CARMIL1: variants seen among roughly 807,000 people sequenced by gnomAD.
The protein encoded by CARMIL1 is capping protein regulator and myosin 1 linker 1.
CARMIL1 carries 90 observed loss-of-function variants against 177.1 expected under a neutral mutation model. The ratio of observed to expected loss-of-function variants is 0.51; its 90% CI spans 0.43 to 0.61. CARMIL1 has a LOEUF of 0.61. Among genes scored for constraint, CARMIL1 ranks in the 20% least tolerant of loss-of-function variants. The probability of loss-of-function intolerance (pLI) is 0.00; values close to 1 mark genes in which losing one functional copy is unlikely to be tolerated. For missense variants in CARMIL1, 1,380 were observed against 1,667.0 expected (o/e 0.83, Z 3.00); for synonymous variants, 577 against 606.2 (o/e 0.95, Z 0.71).
chr6:25,440,923 G>C (rs545735111), intron 5 of CARMIL1, among the ~76,000 whole-genome samples: 3 of 152,042 alleles, frequency 2.0e-5, no homozygotes, highest in African/African-American at 7.2e-5. Context: ...TCATGAGGAG[G>C]TATTAGGAAC....
chr6:25,390,293 C>CATATATATATATATATATATAT (rs397887367), intron 2 of CARMIL1, among the ~76,000 whole-genome samples: 6 of 84,896 alleles, frequency 7.1e-5, no homozygotes, highest in Admixed American at 1.6e-4. Flanking sequence ...TATATATTTA[C>CATATATATATATATATATATAT]ATATATATAT....
intron 8 of CARMIL1, among the ~76,000 whole-genome samples, chr6:25,459,274 T>TTCTCTCTTTCTCTC: frequency 3.2e-5 from 1 of 30,992 alleles, no homozygotes; most frequent in East Asian, 1.5e-3. Context: ...TTCTTTTTTT[T>TTCTCTCTTTCTCTC]TTTTTTAAGA....
chr6:25,318,068 G>A (rs1180791584), intron 2 of CARMIL1, among the ~76,000 whole-genome samples: 1 of 152,136 alleles, frequency 6.6e-6, no homozygotes, highest in Non-Finnish European at 1.5e-5. Context: ...CCATATGCAG[G>A]ACTATTGGGC....
intron 16 of CARMIL1, among the ~76,000 whole-genome samples, chr6:25,496,612 A>T (rs1019823050): frequency 1.3e-5 from 2 of 152,190 alleles, no homozygotes; most frequent in African/African-American, 4.8e-5. Flanking sequence ...TAAACACCTC[A>T]TGATTTGGCC....
intron 2 of CARMIL1, among the ~76,000 whole-genome samples, chr6:25,390,322 T>G (rs34230226): frequency 6.9e-5 from 5 of 72,632 alleles, no homozygotes; most frequent in African/African-American, 2.6e-4. Flanking sequence ...ATATATATAT[T>G]TTTTTTTTTT....
chr6:25,592,358 C>G (rs1023523138), intron 31 of CARMIL1, among the ~76,000 whole-genome samples: 1 of 152,196 alleles, frequency 6.6e-6, no homozygotes, highest in African/African-American at 2.4e-5. Flanking sequence ...ATCCTCAATA[C>G]TTTTCCAAAA....
At chr6:25,569,879 A>G (rs1356074368) in intron 29 of CARMIL1, among the ~76,000 whole-genome samples, 1 of 151,954 alleles carries the variant, frequency 6.6e-6, no homozygotes, top group Non-Finnish European at 1.5e-5. Flanking sequence ...CCCTTTGTTT[A>G]TGTTTTCACA....
intron 2 of CARMIL1, among the ~76,000 whole-genome samples, chr6:25,291,857 C>T (rs899822165): frequency 1.3e-5 from 2 of 152,154 alleles, no homozygotes; most frequent in Non-Finnish European, 2.9e-5. Flanking sequence ...AAGCAGTACA[C>T]ATATCACAGT....
chr6:25,362,041 T>G (rs1412864001), intron 2 of CARMIL1, among the ~76,000 whole-genome samples: 2 of 151,936 alleles, frequency 1.3e-5, no homozygotes, highest in African/African-American at 4.8e-5. Context: ...AATTACACAG[T>G]CTGTGATACT....
At chr6:25,368,962 C>T (rs760318644) in intron 2 of CARMIL1, among the ~76,000 whole-genome samples, 1 of 152,086 alleles carries the variant, frequency 6.6e-6, no homozygotes, top group Non-Finnish European at 1.5e-5. Flanking sequence ...TAGGAGGGTT[C>T]GTTTTTGCCA....
chr6:25,306,561 G>T (rs1783288089), intron 2 of CARMIL1, among the ~76,000 whole-genome samples: 1 of 152,052 alleles, frequency 6.6e-6, no homozygotes, highest in Non-Finnish European at 1.5e-5. Context: ...ACAAGGTTGG[G>T]GACTGCTGAC....
intron 36 of CARMIL1, 99 bp downstream of exon 36, chr6:25,610,280 A>G: frequency 7.6e-7 from 1 of 1,322,162 alleles, no homozygotes; most frequent in Non-Finnish European, 9.9e-7. Flanking sequence ...AATATCTTAG[A>G]GTTTGTTAAA....
Position 25,279,611 on chromosome 6 carries a change from CTTT to C in CARMIL1, c.-173_-171del, listed in dbSNP as rs56103864. Reference sequence around the variant, plus strand: ...GCAAATCCGCCTCGCATTTGCAACTCTTTTTTTTTTTTTTGGTGGGGCGGGGGG... The same window carrying C: ...GCAAATCCGCCTCGCATTTGCAACTCTTTTTTTTTTTGGTGGGGCGGGGGG... On this transcript the variant is annotated 5_prime_UTR_variant, in exon 1 of 37. Transcript: ENST00000329474. The C allele has an allele frequency of 4.6e-3, 2,433 of 525,784 alleles. No homozygotes were observed. Among genetic ancestry groups the C allele is most frequent in the Middle Eastern group, 9.2e-3 (19 of 2,074 alleles). The allele number at this position is 525,784 out of a possible 1,614,324, so 32.6% of individuals were successfully genotyped here.
At chr6:25,503,045 G>C (rs1488615764) in intron 17 of CARMIL1, among the ~76,000 whole-genome samples, 1 of 152,138 alleles carries the variant, frequency 6.6e-6, no homozygotes, top group African/African-American at 2.4e-5. Flanking sequence ...CAGACTATTG[G>C]CAGTTTCGTA....
chr6:25,420,199 C>T, intron 3 of CARMIL1, 35 bp downstream of exon 3: 1 of 1,599,782 alleles, frequency 6.3e-7, no homozygotes, highest in South Asian at 1.1e-5. Context: ...TCTGCACTCA[C>T]ACTCACTCAT....
intron 20 of CARMIL1, among the ~76,000 whole-genome samples, chr6:25,514,821 G>A (rs1805809529): frequency 6.6e-6 from 1 of 152,096 alleles, no homozygotes; most frequent in Non-Finnish European, 1.5e-5. Context: ...CTACTCAGGA[G>A]GCTGAGGTGG....
At chr6:25,470,782 G>A (rs73393864) in intron 9 of CARMIL1, among the ~76,000 whole-genome samples, 1,851 of 152,216 alleles carry the variant, frequency 0.012, 41 homozygotes, top group African/African-American at 0.042. Context: ...CCTCTTTTAC[G>A]AAAGCACTAA....
chr6:25,430,637 C>T (rs1034353762), intron 4 of CARMIL1, among the ~76,000 whole-genome samples: 1 of 152,002 alleles, frequency 6.6e-6, no homozygotes, highest in African/African-American at 2.4e-5. Flanking sequence ...CTCTGCATTG[C>T]CCAGGCTCGA....
At chr6:25,348,341 A>G (rs1349093425) in intron 2 of CARMIL1, among the ~76,000 whole-genome samples, 1 of 151,220 alleles carries the variant, frequency 6.6e-6, no homozygotes, top group East Asian at 2.0e-4. Flanking sequence ...CATGTTGGGC[A>G]GGCTGGTCTC....
Sources: allele counts gnomAD v4.1 joint callset (sites outside exome capture counted in the v4.1 genomes callset), GRCh38; gene constraint gnomAD v4.1.1; transcripts MANE v1.5; gene names NCBI Gene and HGNC (gene_info 2026-07-23, HGNC 2026-07-21).